The following KLHL20 variants were observed in gnomAD, a reference collection of about 807,000 sequenced individuals.
KLHL20 encodes kelch-like protein 20.
Under a neutral mutation model 69.5 loss-of-function variants are expected in KLHL20, and 29 were observed. The ratio of observed to expected loss-of-function variants is 0.42; its 90% CI spans 0.31 to 0.57. The LOEUF (loss-of-function observed/expected upper bound fraction) is 0.57. Ranked by LOEUF, KLHL20 falls within the 20% of genes least tolerant of loss-of-function variation. The pLI is 0.18. For missense variants in KLHL20, 419 were observed against 776.0 expected (o/e 0.54, Z 5.47); for synonymous variants, 253 against 265.2 (o/e 0.95, Z 0.45).
chr1:173,781,009 A>C, intron 10 of KLHL20, among the ~76,000 whole-genome samples: 1 of 138,562 alleles, frequency 7.2e-6, no homozygotes, highest in African/African-American at 2.6e-5. Flanking sequence ...GAGAGAGGGA[A>C]AGAGGGAGAG....
intron 3 of KLHL20, among the ~76,000 whole-genome samples, chr1:173,741,447 A>G (rs974838418): frequency 6.6e-6 from 1 of 152,248 alleles, no homozygotes. Flanking sequence ...ATATTACACA[A>G]TGATATGGAG....
intron 3 of KLHL20, chr1:173,742,029 T>C (rs1672829972): frequency 1.1e-5 from 5 of 462,512 alleles, no homozygotes; most frequent in South Asian, 4.8e-5. Context: ...AATCTCCTTA[T>C]GTCAAGAGCT....
At chr1:173,768,250 A>G (rs923696010) in intron 8 of KLHL20, among the ~76,000 whole-genome samples, 3 of 152,214 alleles carry the variant, frequency 2.0e-5, no homozygotes, top group Admixed American at 1.3e-4. Context: ...ACTGGTGTAC[A>G]AATAGTTAAT....
chr1:173,741,333 A>AT (rs1672798220), intron 3 of KLHL20, among the ~76,000 whole-genome samples: 2 of 152,236 alleles, frequency 1.3e-5, no homozygotes, highest in African/African-American at 4.8e-5. Context: ...CCTATCTGCC[A>AT]TTTTTTACAT....
chr1:173,735,637 G>A (rs528319980), intron 3 of KLHL20, among the ~76,000 whole-genome samples: 18 of 152,182 alleles, frequency 1.2e-4, no homozygotes, highest in Non-Finnish European at 2.2e-4. Context: ...TGGAGAACAG[G>A]TGGTGTTTGA....
chr1:173,716,142 A>T, intron 2 of KLHL20, 76 bp downstream of exon 2: 1 of 1,403,488 alleles, frequency 7.1e-7, no homozygotes, highest in Non-Finnish European at 1.0e-6. Flanking sequence ...TTTAAAAAAG[A>T]GTTTCAATCT....
intron 9 of KLHL20, among the ~76,000 whole-genome samples, chr1:173,774,674 T>G (rs1648337512): frequency 6.6e-6 from 1 of 152,210 alleles, no homozygotes; most frequent in Non-Finnish European, 1.5e-5. Flanking sequence ...GCTGGAAATT[T>G]ATAATGAATT....
chr1:173,758,526 G>A (rs769959886), intron 7 of KLHL20, among the ~76,000 whole-genome samples: 13 of 152,160 alleles, frequency 8.5e-5, no homozygotes, highest in South Asian at 4.1e-4. Context: ...TGCAGCACCC[G>A]GGAGAAACCC....
chr1:173,742,910 T>G (rs1672886063), intron 3 of KLHL20, among the ~76,000 whole-genome samples: 1 of 151,786 alleles, frequency 6.6e-6, no homozygotes, highest in Admixed American at 6.6e-5. Flanking sequence ...ATAAAAAGAT[T>G]GGTTTGATTG....
At chr1:173,728,552 C>A (rs1672093697) in intron 2 of KLHL20, among the ~76,000 whole-genome samples, 1 of 152,098 alleles carries the variant, frequency 6.6e-6, no homozygotes, top group African/African-American at 2.4e-5. Context: ...TCTCTCAGAC[C>A]ACAGTGCAAT....
At chr1:173,729,077 A>G (rs1672122304) in intron 2 of KLHL20, among the ~76,000 whole-genome samples, 1 of 152,238 alleles carries the variant, frequency 6.6e-6, no homozygotes, top group Admixed American at 6.5e-5. Flanking sequence ...ACAAACTACC[A>G]TCAGAGAATA....
At position 173,774,449 on chromosome 1, in the gene KLHL20, C is replaced by T; in HGVS notation, c.1429+11C>T. The T allele has an allele frequency of 1.2e-6, 2 of 1,613,732 alleles. No individual in the cohort carries two copies. Among genetic ancestry groups the T allele is most frequent in the Non-Finnish European group, 1.7e-6 (2 of 1,179,804 alleles). On this transcript the variant is annotated intron_variant, in intron 9 of 11. Transcript: ENST00000209884. Reference sequence around the variant, plus strand: ...CTCCTCTCAACACAGGTTAGTCCCTCCCAAAGGCAATCAGGTTCCCCAAAA... The same window carrying T: ...CTCCTCTCAACACAGGTTAGTCCCTTCCAAAGGCAATCAGGTTCCCCAAAA...
chr1:173,770,202 T>TA (rs1206824258), intron 8 of KLHL20, among the ~76,000 whole-genome samples: 1 of 151,900 alleles, frequency 6.6e-6, no homozygotes, highest in Non-Finnish European at 1.5e-5. Flanking sequence ...CAAAATGTGA[T>TA]AAAAGACATT....
chr1:173,768,990 G>A (rs1225429794), intron 8 of KLHL20, among the ~76,000 whole-genome samples: 2 of 152,298 alleles, frequency 1.3e-5, no homozygotes, highest in South Asian at 4.1e-4. Context: ...AGCACAAGGG[G>A]AAAATTTATC....
At chr1:173,752,853 T>C (rs954531371) in intron 4 of KLHL20, among the ~76,000 whole-genome samples, 6 of 152,130 alleles carry the variant, frequency 3.9e-5, no homozygotes, top group Admixed American at 1.3e-4. Flanking sequence ...AAATAGCTTA[T>C]AGATGAGAGC....
At position 173,732,489 on chromosome 1, in the gene KLHL20, G is replaced by A. The variant is rs142165549; in HGVS notation, c.24-1224G>A. Among the ~76,000 whole-genome samples, 385 of 152,222 alleles carry A rather than the reference G, an allele frequency of 2.5e-3. 1 individual carries two copies. The highest frequency in any genetic ancestry group is 8.6e-3 in the African/African-American group (358 of 41,526). On this transcript the variant is annotated intron_variant, in intron 2 of 11. Transcript: ENST00000209884. ...TTTTTTGATATAACCTGCAGTTTAC[G>A]AGGGGAAGCAGTGATGCGTATCTAT...
At chr1:173,737,997 T>A (rs1672616810) in intron 3 of KLHL20, among the ~76,000 whole-genome samples, 1 of 152,070 alleles carries the variant, frequency 6.6e-6, no homozygotes, top group Non-Finnish European at 1.5e-5. Flanking sequence ...GGTTCTTGAT[T>A]TGATTCTCAG....
chr1:173,743,601 G>A (rs550165253), intron 3 of KLHL20, among the ~76,000 whole-genome samples: 5 of 150,472 alleles, frequency 3.3e-5, no homozygotes, highest in South Asian at 2.1e-4. Flanking sequence ...TTCTTAACCC[G>A]TATTCATTGA....
intron 10 of KLHL20, among the ~76,000 whole-genome samples, chr1:173,781,363 G>A (rs1648865105): frequency 6.6e-6 from 1 of 152,022 alleles, no homozygotes; most frequent in Admixed American, 6.6e-5. Context: ...TGCCCAGGCT[G>A]GAGTGCAGTG....
Sources: gnomAD v4.1 joint callset for allele counts (sites outside exome capture counted in the v4.1 genomes callset) on GRCh38, gnomAD v4.1.1 for gene constraint, MANE v1.5 for transcripts, NCBI Gene and HGNC (gene_info 2026-07-23, HGNC 2026-07-21) for gene names.